Variants in KIZ observed in about 807,000 individuals in gnomAD.
The protein encoded by KIZ is kizuna centrosomal protein, also known as centrosomal protein kizuna.
In KIZ, 68 loss-of-function variants were observed where a neutral mutation model predicts 79.6. The ratio of observed to expected loss-of-function variants is 0.85; its 90% CI spans 0.70 to 1.05. KIZ has a LOEUF of 1.05. Among genes scored for constraint, KIZ ranks in the 50% least tolerant of loss-of-function variants. The pLI, the probability that KIZ is intolerant of heterozygous loss-of-function variation, is 0.00. For synonymous variants in KIZ, 280 were observed against 281.8 expected, an observed-to-expected ratio of 0.99 and a Z score of 0.06; for missense variants, 797 against 800.4, an observed-to-expected ratio of 1.00 and a Z score of 0.05.
chr20:21,177,337 G>T (rs1039141194), intron 6 of KIZ, among the ~76,000 whole-genome samples: 1 of 152,060 alleles, frequency 6.6e-6, no homozygotes, highest in African/African-American at 2.4e-5. Flanking sequence ...TTAGTGATGA[G>T]CATCTTTTCA....
At position 21,216,580 on chromosome 20, in the gene KIZ, G is replaced by GT. The variant is rs564123415; in HGVS notation, c.1678+939dup. ...ATAATATTTCACTCTAAAATGCAGA[G>GT]TTTTTTTATTTTAAACATTTTCACC... On this transcript the variant is annotated intron_variant, in intron 9 of 12. Transcript: ENST00000619189. Among the ~76,000 whole-genome samples the GT allele has an allele frequency of 1.6e-3, 243 of 152,178 alleles. 3 individuals carry two copies. In the Middle Eastern group the frequency reaches 0.017, roughly 11 times the overall value.
chr20:21,144,490 T>G (rs2032742454), intron 3 of KIZ, among the ~76,000 whole-genome samples: 3 of 152,156 alleles, frequency 2.0e-5, no homozygotes, highest in Admixed American at 2.0e-4. Context: ...CTATTCCTAG[T>G]TTATTATTTT....
intron 2 of KIZ, among the ~76,000 whole-genome samples, chr20:21,133,879 C>T (rs986253050): frequency 3.3e-5 from 5 of 152,202 alleles, no homozygotes; most frequent in African/African-American, 1.2e-4. Context: ...CCTTCTGCTC[C>T]GCACAGTGTC....
chr20:21,139,694 T>C (rs2032407495), intron 3 of KIZ, among the ~76,000 whole-genome samples: 1 of 152,178 alleles, frequency 6.6e-6, no homozygotes, highest in South Asian at 2.1e-4. Flanking sequence ...TTTTTTATAT[T>C]GAGAGCATTC....
At chr20:21,189,033 G>A (rs1425973395) in intron 6 of KIZ, among the ~76,000 whole-genome samples, 1 of 151,970 alleles carries the variant, frequency 6.6e-6, no homozygotes, top group Admixed American at 6.6e-5. Context: ...TTTAAGAGAC[G>A]GAGTCTTGCT....
chr20:21,163,937 A>C (rs1410734669), intron 6 of KIZ, among the ~76,000 whole-genome samples: 1 of 152,224 alleles, frequency 6.6e-6, no homozygotes, highest in Non-Finnish European at 1.5e-5. Flanking sequence ...TTAGGGGTAG[A>C]AGGAACCTAA....
At chr20:21,220,401 T>C (rs2036464884) in intron 9 of KIZ, among the ~76,000 whole-genome samples, 1 of 152,144 alleles carries the variant, frequency 6.6e-6, no homozygotes, top group Non-Finnish European at 1.5e-5. Context: ...TGATCTTGAA[T>C]TGAACTCAGA....
chr20:21,189,093 A>T (rs1419091062), intron 6 of KIZ, among the ~76,000 whole-genome samples: 1 of 151,906 alleles, frequency 6.6e-6, no homozygotes, highest in African/African-American at 2.4e-5. Flanking sequence ...GTCCTCCCAC[A>T]TTGGCTTCCC....
intron 7 of KIZ, among the ~76,000 whole-genome samples, chr20:21,209,848 A>G (rs540587853): frequency 2.1e-3 from 315 of 152,354 alleles, no homozygotes; most frequent in African/African-American, 7.3e-3. Flanking sequence ...ATTTTATCAG[A>G]TGCATTTACA....
chr20:21,215,962 A>G (rs1490125911), intron 9 of KIZ, among the ~76,000 whole-genome samples: 1 of 152,206 alleles, frequency 6.6e-6, no homozygotes, highest in East Asian at 1.9e-4. Context: ...ACACCCGGTC[A>G]TTACACAGCA....
At chr20:21,174,468 A>G (rs2034350725) in intron 6 of KIZ, among the ~76,000 whole-genome samples, 1 of 152,196 alleles carries the variant, frequency 6.6e-6, no homozygotes, top group Non-Finnish European at 1.5e-5. Flanking sequence ...AATATTTTAT[A>G]AGGTTAAATA....
chr20:21,186,464 C>G (rs193202029), intron 6 of KIZ, among the ~76,000 whole-genome samples: 2 of 151,716 alleles, frequency 1.3e-5, no homozygotes, highest in East Asian at 3.9e-4. Flanking sequence ...TGTCTGACAT[C>G]CCCTAAACTC....
At chr20:21,238,245 G>A (rs2037091394) in intron 11 of KIZ, among the ~76,000 whole-genome samples, 1 of 150,962 alleles carries the variant, frequency 6.6e-6, no homozygotes, top group Non-Finnish European at 1.5e-5. Flanking sequence ...ATAAAAGTCA[G>A]TTTGTACAAG....
chr20:21,224,079 C>T (rs182121412), intron 9 of KIZ, among the ~76,000 whole-genome samples: 69 of 152,200 alleles, frequency 4.5e-4, no homozygotes, highest in African/African-American at 1.5e-3. Context: ...CCGCAACCTC[C>T]GCCTCCCAGG....
chr20:21,169,435 G>T (rs2034104149), intron 6 of KIZ, among the ~76,000 whole-genome samples: 1 of 152,168 alleles, frequency 6.6e-6, no homozygotes, highest in Non-Finnish European at 1.5e-5. Context: ...AACAACAGGT[G>T]CTGGAGAGGA....
chr20:21,138,488 G>A (rs1001421859), intron 3 of KIZ, among the ~76,000 whole-genome samples: 3 of 152,078 alleles, frequency 2.0e-5, no homozygotes, highest in African/African-American at 7.2e-5. Flanking sequence ...TTAAAATGTG[G>A]CTTGTGACAC....
At chr20:21,188,478 C>G (rs1007299333) in intron 6 of KIZ, among the ~76,000 whole-genome samples, 1 of 152,060 alleles carries the variant, frequency 6.6e-6, no homozygotes, top group African/African-American at 2.4e-5. Context: ...AAACAATGAT[C>G]AAATAAAATT....
chr20:21,186,496 T>C lies in KIZ; in HGVS notation c.1353-18995T>C, dbSNP rs538447436. ...ACTCTGACACTGACAAAAGAGGTCA[T>C]TGCATCTGGTTCCCAGCTACTTCCA... On this transcript the variant is annotated intron_variant, in intron 6 of 12. Transcript: ENST00000619189. Among the ~76,000 whole-genome samples the C allele has an allele frequency of 9.9e-5, 15 of 151,520 alleles. No homozygotes were observed. The East Asian group carries it at 2.9e-3, about 29-fold the overall frequency.
intron 5 of KIZ, 43 bp from the exon 6 acceptor site, chr20:21,162,807 C>T (rs776450468): frequency 6.6e-7 from 1 of 1,519,880 alleles, no homozygotes; most frequent in South Asian, 1.2e-5. Flanking sequence ...TTGCTTCCTC[C>T]TGAAGTCAGT....
Sources: gnomAD v4.1 joint callset for allele counts (sites outside exome capture counted in the v4.1 genomes callset) on GRCh38, gnomAD v4.1.1 for gene constraint, MANE v1.5 for transcripts, NCBI Gene and HGNC (gene_info 2026-07-23, HGNC 2026-07-21) for gene names.